Variants in SEMA4D observed in about 807,000 individuals in gnomAD.
The protein encoded by SEMA4D is semaphorin-4D.
Under a neutral mutation model 74.8 loss-of-function variants are expected in SEMA4D, and 22 were observed. The ratio of observed to expected loss-of-function variants is 0.29; its 90% CI spans 0.21 to 0.42. The LOEUF (loss-of-function observed/expected upper bound fraction) is 0.42, where lower values mean the gene tolerates loss of function less well. SEMA4D is among the 10% of genes least tolerant of loss of function. The pLI, the probability that SEMA4D is intolerant of heterozygous loss-of-function variation, is 1.00. For missense variants in SEMA4D, 937 were observed against 1,118.4 expected (o/e 0.84, Z 2.31); for synonymous variants, 445 against 463.7 (o/e 0.96, Z 0.52).
At chr9:89,443,308 T>C (rs1443177909) in intron 2 of SEMA4D, among the ~76,000 whole-genome samples, 2 of 152,192 alleles carry the variant, frequency 1.3e-5, no homozygotes, top group African/African-American at 4.8e-5. Flanking sequence ...AAGCCATATG[T>C]GGGCTGAACA....
At chr9:89,490,500 C>T (rs1389571297) in intron 1 of SEMA4D, among the ~76,000 whole-genome samples, 1 of 152,178 alleles carries the variant, frequency 6.6e-6, no homozygotes, top group Non-Finnish European at 1.5e-5. Context: ...TTTTCACTGT[C>T]AGTGTGGCAT....
intron 18 of SEMA4D, chr9:89,362,569 T>C: frequency 6.8e-7 from 1 of 1,464,468 alleles, no homozygotes; most frequent in Non-Finnish European, 9.5e-7. Context: ...CCTTGGAGTC[T>C]AAAGATCCAA....
At chr9:89,489,079 T>G (rs1825425506) in intron 1 of SEMA4D, among the ~76,000 whole-genome samples, 1 of 152,200 alleles carries the variant, frequency 6.6e-6, no homozygotes, top group African/African-American at 2.4e-5. Flanking sequence ...CTACCACATT[T>G]CCACTAGAAT....
chr9:89,372,994 T>C (rs761197492), downstream of SEMA4D, among the ~76,000 whole-genome samples: 2 of 152,008 alleles, frequency 1.3e-5, no homozygotes, highest in Admixed American at 6.5e-5. Flanking sequence ...TGTGTCTAGG[T>C]GGAGAGTGGC....
chr9:89,443,496 G>A (rs953381628), intron 2 of SEMA4D, among the ~76,000 whole-genome samples: 1 of 152,218 alleles, frequency 6.6e-6, no homozygotes. Context: ...TCCCAGTAAA[G>A]CACAGCGTGG....
intron 2 of SEMA4D, among the ~76,000 whole-genome samples, chr9:89,423,419 A>C (rs937347847): frequency 3.9e-5 from 6 of 152,028 alleles, no homozygotes; most frequent in African/African-American, 1.5e-4. Context: ...TCAAACTCCC[A>C]ACCTCGGTGA....
chr9:89,402,825 C>T (rs1842496665), intron 4 of SEMA4D, 46 bp downstream of exon 4: 1 of 1,587,448 alleles, frequency 6.3e-7, no homozygotes, highest in East Asian at 2.3e-5. Flanking sequence ...AGAGGCTGCC[C>T]ACTCAAGCTG....
chr9:89,429,276 T>C (rs901289513), intron 2 of SEMA4D, among the ~76,000 whole-genome samples: 1 of 152,102 alleles, frequency 6.6e-6, no homozygotes, highest in Non-Finnish European at 1.5e-5. Context: ...AAGCCTCTAA[T>C]CCTAGCTTCA....
At chr9:89,476,526 C>T (rs1487212372) in intron 1 of SEMA4D, among the ~76,000 whole-genome samples, 1 of 152,182 alleles carries the variant, frequency 6.6e-6, no homozygotes, top group Non-Finnish European at 1.5e-5. Flanking sequence ...ATGAATAGCA[C>T]AGGCTGACCT....
In SEMA4D at chr9:89,381,335, A is replaced by C. The variant is rs1239708763; in HGVS notation, c.1458T>G (p.Phe486Leu). Reference protein sequence around the residue: ...LLLSSKKGNRFVYAGSNSGVV... With the variant: ...LLLSSKKGNRLVYAGSNSGVV... Reference sequence around the variant, plus strand: ...CGCCCGAGTTAGAGCCAGCATAGACAAACCTGTTGCCCTGCGTGTATGAGA... The same window carrying C: ...CGCCCGAGTTAGAGCCAGCATAGACCAACCTGTTGCCCTGCGTGTATGAGA... The change falls in exon 14 of 16, where the codon TTT becomes TTG. Residue 486 changes from phenylalanine to leucine, a missense_variant. Physicochemically the swap from Phe to Leu is conservative, Grantham distance 22 (BLOSUM62 0). Coordinates refer to ENST00000422704, the MANE Select transcript of SEMA4D (RefSeq NM_001371194.2). This position sits in a 1 kb window ranked among gnomAD's most constrained non-coding sequence, Gnocchi z 4.6. 2 of 1,486,340 alleles carry C rather than the reference A, an allele frequency of 1.3e-6. No homozygotes were observed. Among genetic ancestry groups the C allele is most frequent in the East Asian group, 4.9e-5 (2 of 40,578 alleles). The allele number at this position is 1,486,340 out of a possible 1,614,324, so 92.1% of individuals were successfully genotyped here.
At chr9:89,423,534 T>C (rs1287564862) in intron 2 of SEMA4D, among the ~76,000 whole-genome samples, 2 of 152,152 alleles carry the variant, frequency 1.3e-5, no homozygotes. Context: ...TTAGAAACCT[T>C]AATTGCTTCT....
chr9:89,435,788 C>T (rs1403257870), intron 2 of SEMA4D, among the ~76,000 whole-genome samples: 3 of 152,250 alleles, frequency 2.0e-5, no homozygotes, highest in Admixed American at 6.5e-5. Flanking sequence ...CCCAGGGCCA[C>T]GCCCACAGGT....
At position 89,466,485 on chromosome 9, in the gene SEMA4D, C is replaced by T. The variant is rs137974242; in HGVS notation, c.-309-10532G>A. 1.5e-3 allele frequency among the ~76,000 whole-genome samples: 224 copies of T among 152,266 alleles called. 1 individual carries two copies. The highest frequency in any genetic ancestry group is 2.7e-3 in the Non-Finnish European group (186 of 68,018). Reference sequence around the variant, plus strand: ...CACTCACAGGCCAGGTGAACACATGCTTGACTGCTCTCCATATGTACCGAG... The same window carrying T: ...CACTCACAGGCCAGGTGAACACATGTTTGACTGCTCTCCATATGTACCGAG... On this transcript the variant is annotated intron_variant, in intron 1 of 15. Coordinates refer to ENST00000422704, the MANE Select transcript of SEMA4D (RefSeq NM_001371194.2).
chr9:89,428,636 C>G (rs929975782), intron 2 of SEMA4D, among the ~76,000 whole-genome samples: 10 of 152,200 alleles, frequency 6.6e-5, no homozygotes, highest in Non-Finnish European at 4.4e-5. Context: ...CAGCTCCCAG[C>G]CACTCTGCAC....
chr9:89,434,115 T>C (rs1323364653), intron 2 of SEMA4D, among the ~76,000 whole-genome samples: 1 of 152,178 alleles, frequency 6.6e-6, no homozygotes, highest in Non-Finnish European at 1.5e-5. Flanking sequence ...CTCCAGCTGT[T>C]CATGTTTTAA....
chr9:89,405,383 G>A lies in SEMA4D; in HGVS notation c.74C>T (p.Ala25Val), dbSNP rs745386118. 1.2e-6 allele frequency: 2 copies of A among 1,614,128 alleles called. No homozygotes were observed. Among genetic ancestry groups the A allele is most frequent in the South Asian group, 2.2e-5 (2 of 91,084 alleles). Reference sequence around the variant, plus strand: ...CTCCCAGGTGATCCGGGGTATGGGTGCAAATGCCATCGCTGTCCCAAACAT... The same window carrying A: ...CTCCCAGGTGATCCGGGGTATGGGTACAAATGCCATCGCTGTCCCAAACAT... ...AVMFGTAMAF[A>V]PIPRITWEHR... Residue 25 changes from alanine (A) to valine (V), a missense_variant, in exon 3 of 16, where the codon GCA (alanine) becomes GTA (valine). By Grantham distance (64) the Ala-to-Val change is moderately conservative (BLOSUM62 0). Transcript: ENST00000422704.
In SEMA4D at chr9:89,378,081, T is replaced by A. The variant is rs569732832; in HGVS notation, c.*623A>T. ...GCAAAAGGAAGTTTATCCCTGAGAA[T>A]CTTAAGCAACGTAAGCCGTATTTTA... On this transcript the variant is annotated 3_prime_UTR_variant, in exon 16 of 16. Transcript: ENST00000422704. 1 of 152,578 alleles carries A rather than the reference T, an allele frequency of 6.6e-6. No homozygotes were observed. Among genetic ancestry groups the A allele is most frequent in the East Asian group, 1.9e-4 (1 of 5,186 alleles). The allele number at this position is 152,578 out of a possible 1,614,324, so 9.5% of individuals were successfully genotyped here.
At chr9:89,371,703 G>T (rs1463510395) in intron 16 of SEMA4D, among the ~76,000 whole-genome samples, 1 of 77,166 alleles carries the variant, frequency 1.3e-5, no homozygotes. Context: ...ATGTGTGTGG[G>T]ATGTGTCTGG....
At chr9:89,429,447 G>A (rs1306525071) in intron 2 of SEMA4D, among the ~76,000 whole-genome samples, 2 of 152,192 alleles carry the variant, frequency 1.3e-5, no homozygotes, top group South Asian at 2.1e-4. Flanking sequence ...GGAAACTTCC[G>A]GAAGTCATAT....
Sources: gnomAD v4.1 joint callset for allele counts (sites outside exome capture counted in the v4.1 genomes callset) on GRCh38, gnomAD v4.1.1 for gene constraint, Gnocchi (gnomAD v3.1) non-coding constraint, MANE v1.5 for transcripts, NCBI Gene and HGNC (gene_info 2026-07-23, HGNC 2026-07-21) for gene names.